Variants in GRM1 observed in about 807,000 individuals in gnomAD.
GRM1 encodes the protein glutamate metabotropic receptor 1, also known as metabotropic glutamate receptor 1.
GRM1 carries 33 observed loss-of-function variants against 90.9 expected under a neutral mutation model. The ratio of observed to expected loss-of-function variants is 0.36; its 90% CI spans 0.28 to 0.49. The LOEUF is 0.49. Ranked by LOEUF, GRM1 falls within the 20% of genes least tolerant of loss-of-function variation. GRM1 has a pLI of 0.99. For synonymous variants in GRM1, 700 were observed against 613.2 expected (o/e 1.14, Z -2.09); for missense variants, 1,190 against 1,534.3 (o/e 0.78, Z 3.75).
At chr6:146,433,663 T>C (rs531143238) in intron 7 of GRM1, among the ~76,000 whole-genome samples, 87 of 152,222 alleles carry the variant, frequency 5.7e-4, no homozygotes, top group Middle Eastern at 6.8e-3. Flanking sequence ...ACAGACTGGC[T>C]TTTCTCCTCA....
intron 1 of GRM1, among the ~76,000 whole-genome samples, chr6:146,137,098 C>G (rs1776654002): frequency 6.6e-6 from 1 of 152,030 alleles, no homozygotes; most frequent in Non-Finnish European, 1.5e-5. Context: ...GGTAATCCAC[C>G]CGCCTTGGCC....
intron 2 of GRM1, among the ~76,000 whole-genome samples, chr6:146,196,620 A>C (rs943370530): frequency 8.6e-5 from 13 of 151,880 alleles, no homozygotes; most frequent in Admixed American, 2.0e-4. Context: ...GTTGTTTTTA[A>C]AGTGTGATCC....
At chr6:146,275,574 T>C (rs1782326547) in intron 2 of GRM1, among the ~76,000 whole-genome samples, 1 of 152,090 alleles carries the variant, frequency 6.6e-6, no homozygotes, top group Non-Finnish European at 1.5e-5. Context: ...TCTCTCCTTT[T>C]TCCTATCTCT....
intron 2 of GRM1, among the ~76,000 whole-genome samples, chr6:146,274,886 C>T (rs901805336): frequency 1.1e-4 from 17 of 152,000 alleles, no homozygotes; most frequent in Non-Finnish European, 1.6e-4. Flanking sequence ...AAAAATTAGC[C>T]GGGCTTGATG....
At chr6:146,106,536 A>AT (rs1373256826) in intron 1 of GRM1, among the ~76,000 whole-genome samples, 1 of 152,254 alleles carries the variant, frequency 6.6e-6, no homozygotes, top group East Asian at 1.9e-4. Context: ...GTGACACATC[A>AT]TAAAATGCAA....
At chr6:146,254,206 C>T (rs1781401731) in intron 2 of GRM1, among the ~76,000 whole-genome samples, 1 of 152,124 alleles carries the variant, frequency 6.6e-6, no homozygotes, top group Non-Finnish European at 1.5e-5. Context: ...ACAAACTGGT[C>T]TGGATGCCAC....
chr6:146,232,127 A>G (rs1443395054), intron 2 of GRM1, among the ~76,000 whole-genome samples: 1 of 152,114 alleles, frequency 6.6e-6, no homozygotes, highest in African/African-American at 2.4e-5. Context: ...TTATTGGATA[A>G]GCTTTGGCAG....
At chr6:146,373,118 T>G (rs1054287654) in intron 5 of GRM1, among the ~76,000 whole-genome samples, 7 of 152,186 alleles carry the variant, frequency 4.6e-5, no homozygotes, top group Admixed American at 6.6e-5. Flanking sequence ...TTTCAATTTT[T>G]GGGTGTCCTC....
intron 1 of GRM1, among the ~76,000 whole-genome samples, chr6:146,046,752 C>T (rs928515306): frequency 2.0e-5 from 3 of 146,540 alleles, no homozygotes; most frequent in African/African-American, 7.4e-5. Flanking sequence ...TATTACAGTA[C>T]AGTAAAATAA....
intron 7 of GRM1, among the ~76,000 whole-genome samples, chr6:146,412,817 C>A (rs1299841398): frequency 6.6e-6 from 1 of 152,114 alleles, no homozygotes; most frequent in Non-Finnish European, 1.5e-5. Context: ...CTAATACTAC[C>A]ACTACCAACT....
intron 1 of GRM1, among the ~76,000 whole-genome samples, chr6:146,033,176 A>G (rs917049572): frequency 3.9e-5 from 6 of 152,236 alleles, no homozygotes; most frequent in South Asian, 4.1e-4. Flanking sequence ...GAGCCTGTCA[A>G]GGGGGAGGCA....
At chr6:146,281,290 A>G (rs1782558470) in intron 2 of GRM1, among the ~76,000 whole-genome samples, 1 of 152,164 alleles carries the variant, frequency 6.6e-6, no homozygotes, top group South Asian at 2.1e-4. Context: ...GATTCCAACC[A>G]CAGCTCTGCT....
intron 1 of GRM1, among the ~76,000 whole-genome samples, chr6:146,136,661 A>AT (rs1776631015): frequency 6.6e-6 from 1 of 152,106 alleles, no homozygotes; most frequent in African/African-American, 2.4e-5. Flanking sequence ...AGCTCCATAT[A>AT]TATTATGGTG....
intron 6 of GRM1, among the ~76,000 whole-genome samples, chr6:146,396,294 T>G (rs1392740789): frequency 6.6e-6 from 1 of 152,194 alleles, no homozygotes; most frequent in Non-Finnish European, 1.5e-5. Context: ...GTCAAAAGTG[T>G]GTGCTTGCCA....
chr6:146,121,530 G>T (rs1402304616), intron 1 of GRM1, among the ~76,000 whole-genome samples: 1 of 151,874 alleles, frequency 6.6e-6, no homozygotes, highest in Non-Finnish European at 1.5e-5. Flanking sequence ...GTGATGTTAG[G>T]GTGTCAATTT....
At chr6:146,338,272 T>C (rs1032567738) in intron 3 of GRM1, among the ~76,000 whole-genome samples, 40 of 152,250 alleles carry the variant, frequency 2.6e-4, no homozygotes, top group African/African-American at 9.6e-4. Context: ...TCAATGGTGA[T>C]ATAATCCAGG....
Position 146,294,519 on chromosome 6 carries a change from C to T in GRM1, c.951-10092C>T, listed in dbSNP as rs528962116. Among the ~76,000 whole-genome samples the T allele has an allele frequency of 4.6e-5, 7 of 151,280 alleles. No homozygotes were observed. In the East Asian group the frequency reaches 7.7e-4, roughly 17 times the overall value. The stretch of plus-strand genomic sequence containing the variant: ...ATTTTTAAATTTCCATGTATGCCAT[C>T]GAAACACATTCTCCTCTGTTAAGAA... On this transcript the variant is annotated intron_variant, in intron 2 of 7. Coordinates refer to ENST00000282753, the MANE Select transcript of GRM1 (RefSeq NM_001278064.2).
chr6:146,259,268 C>T (rs1237044613), intron 2 of GRM1, among the ~76,000 whole-genome samples: 1 of 151,980 alleles, frequency 6.6e-6, no homozygotes, highest in African/African-American at 2.4e-5. Context: ...TGTGTTTTTC[C>T]TCTCTCAGTG....
At chr6:146,403,430 G>A (rs975412052) in intron 7 of GRM1, among the ~76,000 whole-genome samples, 1 of 151,970 alleles carries the variant, frequency 6.6e-6, no homozygotes, top group African/African-American at 2.4e-5. Context: ...CTCCCTAAAG[G>A]CATCAGACTG....
Sources: allele counts gnomAD v4.1 joint callset (sites outside exome capture counted in the v4.1 genomes callset), GRCh38; gene constraint gnomAD v4.1.1; transcripts MANE v1.5; gene names NCBI Gene and HGNC (gene_info 2026-07-23, HGNC 2026-07-21).